The following FARP1 variants were observed in gnomAD, a reference collection of about 807,000 sequenced individuals.
FARP1 encodes the protein FERM, ARHGEF and pleckstrin domain-containing protein 1.
FARP1 carries 52 observed loss-of-function variants against 128.8 expected under a neutral mutation model. That is an observed-to-expected ratio of 0.40 (90% CI 0.32 to 0.51). The LOEUF is 0.51. Ranked by LOEUF, FARP1 falls within the 20% of genes least tolerant of loss-of-function variation. FARP1 has a pLI of 0.45. For synonymous variants in FARP1, 580 were observed against 551.8 expected (o/e 1.05, Z -0.72); for missense variants, 1,333 against 1,367.9 (o/e 0.97, Z 0.40).
intron 6 of FARP1, among the ~76,000 whole-genome samples, chr13:98,379,453 G>C (rs1484186676): frequency 5.3e-5 from 8 of 151,454 alleles, no homozygotes; most frequent in African/African-American, 1.9e-4. Flanking sequence ...CCTGATTTCT[G>C]TTCGTTGGTT....
At position 98,452,402 on chromosome 13, in the gene FARP1, A is replaced by G. The variant is rs1318727288; in HGVS notation, c.*4085A>G. 2 of 152,632 alleles carry G rather than the reference A, an allele frequency of 1.3e-5. No homozygotes were observed. The highest frequency in any genetic ancestry group is 4.8e-5 in the African/African-American group (2 of 41,446). The allele number at this position is 152,632 out of a possible 1,614,324, so 9.5% of individuals were successfully genotyped here. On this transcript the variant is annotated 3_prime_UTR_variant, in exon 27 of 27. Transcript: ENST00000319562. ...ATGTTCCAATTTAAAACACTAAGAA[A>G]TAGTACCATCGATGAAAAAGGAAAT...
chr13:98,200,388 C>CT (rs1491534962), intron 1 of FARP1, among the ~76,000 whole-genome samples: 8 of 13,264 alleles, frequency 6.0e-4, no homozygotes, highest in Admixed American at 2.2e-3. Flanking sequence ...GCAACCTTCA[C>CT]CCCCCCCCCC....
chr13:98,200,274 G>T (rs1282997096), intron 1 of FARP1, among the ~76,000 whole-genome samples: 1 of 152,028 alleles, frequency 6.6e-6, no homozygotes, highest in African/African-American at 2.4e-5. Context: ...CTTGTGTCTG[G>T]TGGTTTTACA....
intron 5 of FARP1, among the ~76,000 whole-genome samples, chr13:98,371,517 C>A (rs1292514780): frequency 6.6e-6 from 1 of 151,898 alleles, no homozygotes; most frequent in Non-Finnish European, 1.5e-5. Context: ...GGAGACAGTT[C>A]TTTTGGCTCA....
chr13:98,390,735 C>A, intron 10 of FARP1, 77 bp from the exon 11 acceptor site: 1 of 1,111,134 alleles, frequency 9.0e-7, no homozygotes, highest in Non-Finnish European at 1.4e-6. Flanking sequence ...GGAAGTGAAG[C>A]CCTGAAGCAT....
Position 98,263,944 on chromosome 13 carries a change from A to G in FARP1, c.171+50531A>G, listed in dbSNP as rs377650675. The stretch of plus-strand genomic sequence containing the variant: ...TAACCGTTGGAGCATCCTTGATTCT[A>G]ACTTTTACTAAGTTACTAATTTACT... On this transcript the variant is annotated intron_variant, in intron 2 of 26. Transcript: ENST00000319562. 5.9e-5 allele frequency among the ~76,000 whole-genome samples: 9 copies of G among 152,312 alleles called. No homozygotes were observed. In the East Asian group the frequency reaches 1.7e-3, roughly 29 times the overall value.
chr13:98,256,701 A>G (rs1883603983), intron 2 of FARP1, among the ~76,000 whole-genome samples: 2 of 151,436 alleles, frequency 1.3e-5, no homozygotes, highest in Non-Finnish European at 1.5e-5. Flanking sequence ...CTGGGATTAC[A>G]GGCATATGCT....
In FARP1 at chr13:98,232,294, G is replaced by A. The variant is rs1368179758; in HGVS notation, c.171+18881G>A. Among the ~76,000 whole-genome samples the A allele has an allele frequency of 3.3e-5, 5 of 152,210 alleles. No individual in the cohort carries two copies. The South Asian group carries it at 1.0e-3, about 32-fold the overall frequency. On this transcript the variant is annotated intron_variant, in intron 2 of 26. Coordinates refer to ENST00000319562, the MANE Select transcript of FARP1 (RefSeq NM_005766.4). ...TTTACTTTTGTTTTGAAGGAGAACT[G>A]CTGGTATTTATAGGAAAAGATTTCT... is the stretch of plus-strand genomic sequence containing the variant.
intron 3 of FARP1, among the ~76,000 whole-genome samples, chr13:98,350,322 T>G (rs79386105): frequency 0.034 from 5,189 of 152,230 alleles, 315 homozygotes; most frequent in African/African-American, 0.12. Context: ...AATTAATAGA[T>G]TTAATATTTG....
chr13:98,293,495 A>G (rs1393726153), intron 2 of FARP1, among the ~76,000 whole-genome samples: 1 of 152,240 alleles, frequency 6.6e-6, no homozygotes, highest in Non-Finnish European at 1.5e-5. Context: ...ACCAGGCTAC[A>G]TGCTGTGGTT....
chr13:98,214,201 G>A (rs1056949933), intron 2 of FARP1, among the ~76,000 whole-genome samples: 2 of 152,222 alleles, frequency 1.3e-5, no homozygotes, highest in Admixed American at 6.5e-5. Context: ...TCGCTCCTGC[G>A]GGAGGATGAG....
intron 2 of FARP1, among the ~76,000 whole-genome samples, chr13:98,242,992 C>T (rs539287972): frequency 2.0e-5 from 3 of 152,236 alleles, no homozygotes; most frequent in East Asian, 3.9e-4. Context: ...GCTATTTCTG[C>T]CCCAAGACCT....
At chr13:98,314,612 A>G (rs1018853894) in intron 2 of FARP1, among the ~76,000 whole-genome samples, 4 of 152,156 alleles carry the variant, frequency 2.6e-5, no homozygotes, top group African/African-American at 9.7e-5. Context: ...TAATTTCAAG[A>G]CGGCTCAAAA....
chr13:98,357,390 C>T (rs1888685152), intron 3 of FARP1, among the ~76,000 whole-genome samples: 1 of 152,144 alleles, frequency 6.6e-6, no homozygotes, highest in African/African-American at 2.4e-5. Context: ...ATGGTGAGGA[C>T]TTACTGTACA....
chr13:98,186,309 T>C (rs1255768001), intron 1 of FARP1, among the ~76,000 whole-genome samples: 3 of 152,070 alleles, frequency 2.0e-5, no homozygotes, highest in African/African-American at 7.2e-5. Flanking sequence ...GGTTTCTCCA[T>C]GTTGATCAGG....
chr13:98,174,933 A>G (rs866112393), intron 1 of FARP1, among the ~76,000 whole-genome samples: 2 of 152,090 alleles, frequency 1.3e-5, no homozygotes, highest in African/African-American at 4.8e-5. Flanking sequence ...TGTGCCCTCA[A>G]CCACGGCTCT....
At chr13:98,156,368 GTTC>G (rs1594208791) in intron 1 of FARP1, among the ~76,000 whole-genome samples, 1 of 152,136 alleles carries the variant, frequency 6.6e-6, no homozygotes, top group Non-Finnish European at 1.5e-5. Flanking sequence ...TTATAATAAC[GTTC>G]TTTTTAGCAA....
At chr13:98,368,387 A>G in intron 5 of FARP1, among the ~76,000 whole-genome samples, 192 bp downstream of exon 5, 1 of 152,206 alleles carries the variant, frequency 6.6e-6, no homozygotes, top group East Asian at 1.9e-4. Context: ...TGTTTTCCCT[A>G]AAACTTGGTT....
intron 24 of FARP1, 113 bp downstream of exon 24, chr13:98,440,949 T>TA: frequency 1.9e-6 from 2 of 1,056,058 alleles, no homozygotes; most frequent in Non-Finnish European, 2.8e-6. Context: ...TGGCCCCACC[T>TA]ACCCGCGGTG....
Sources: gnomAD v4.1 joint callset for allele counts (sites outside exome capture counted in the v4.1 genomes callset) on GRCh38, gnomAD v4.1.1 for gene constraint, MANE v1.5 for transcripts, NCBI Gene and HGNC (gene_info 2026-07-23, HGNC 2026-07-21) for gene names.